The following ADGRA3 variants were observed in gnomAD, a reference collection of about 807,000 sequenced individuals.
ADGRA3 encodes the protein adhesion G protein-coupled receptor A3.
A neutral mutation model predicts 119.8 loss-of-function variants in ADGRA3; 56 were observed. That is an observed-to-expected ratio of 0.47 (90% confidence interval 0.38 to 0.58). ADGRA3 has a LOEUF of 0.58. Ranked by LOEUF, ADGRA3 falls within the 20% of genes least tolerant of loss-of-function variation. The pLI, the probability that ADGRA3 is intolerant of heterozygous loss-of-function variation, is 0.00. For missense variants in ADGRA3, 1,516 were observed against 1,649.0 expected, an observed-to-expected ratio of 0.92 and a Z score of 1.40; for synonymous variants, 607 against 623.8, an observed-to-expected ratio of 0.97 and a Z score of 0.40.
In ADGRA3 at chr4:22,515,887, G is replaced by T. The variant is rs1205084392; in HGVS notation, c.-103C>A. 2.4e-5 allele frequency: 19 copies of T among 779,294 alleles called. No homozygotes were observed. Among genetic ancestry groups the T allele is most frequent in the Non-Finnish European group, 3.0e-5 (19 of 643,324 alleles). The allele number at this position is 779,294 out of a possible 1,614,324, so 48.3% of individuals were successfully genotyped here. On this transcript the variant is annotated 5_prime_UTR_variant, in exon 1 of 19. Transcript: ENST00000334304. ...CGCGGCGCGGGCCCAGCGGCGACCG[G>T]AGCCTTATGGCGGCCGGAGGACGGG...
intron 14 of ADGRA3, 96 bp from the exon 15 acceptor site, chr4:22,402,895 A>G (rs1174745167): frequency 1.7e-6 from 2 of 1,181,640 alleles, no homozygotes; most frequent in Non-Finnish European, 2.4e-6. Flanking sequence ...AATAAACAAA[A>G]ACTCTGGCCC....
intron 1 of ADGRA3, among the ~76,000 whole-genome samples, chr4:22,479,599 G>A (rs925096392): frequency 3.3e-5 from 5 of 152,126 alleles, no homozygotes; most frequent in Admixed American, 2.6e-4. Context: ...GATTCCTCAA[G>A]GACCTAGAAC....
At chr4:22,413,877 T>C (rs1416819907) in intron 12 of ADGRA3, 63 bp from the exon 13 acceptor site, 2 of 1,072,364 alleles carry the variant, frequency 1.9e-6, no homozygotes, top group African/African-American at 1.6e-5. Context: ...CAGAAAAAAA[T>C]ATGTCAGATA....
chr4:22,442,577 A>G, intron 7 of ADGRA3, 73 bp downstream of exon 7: 1 of 1,026,280 alleles, frequency 9.7e-7, no homozygotes, highest in Non-Finnish European at 1.5e-6. Flanking sequence ...ATTCCACTAA[A>G]CATTACACCT....
intron 1 of ADGRA3, among the ~76,000 whole-genome samples, chr4:22,514,850 C>G (rs138755164): frequency 6.4e-4 from 97 of 152,244 alleles, no homozygotes; most frequent in African/African-American, 2.3e-3. Context: ...AAAAATCCCT[C>G]GAGTTGGAAG....
At chr4:22,416,348 A>G (rs1389759011) in intron 12 of ADGRA3, among the ~76,000 whole-genome samples, 1 of 152,226 alleles carries the variant, frequency 6.6e-6, no homozygotes, top group Non-Finnish European at 1.5e-5. Context: ...CTTTGGGAAA[A>G]ACAAGTTTTC....
At position 22,439,050 on chromosome 4, in the gene ADGRA3, G is replaced by A. The variant is rs1428488538; in HGVS notation, c.921-630C>T. 1.3e-5 allele frequency among the ~76,000 whole-genome samples: 2 copies of A among 152,114 alleles called. 1 individual carries two copies. Among genetic ancestry groups the A allele is most frequent in the Admixed American group, 1.3e-4 (2 of 15,252 alleles). ...TGGCAAGCCCAAAGGCAGAAACATCGTCGTACATTCTTTAGCAAAACTTAG... is the reference window on the plus strand; with the variant it reads ...TGGCAAGCCCAAAGGCAGAAACATCATCGTACATTCTTTAGCAAAACTTAG... On this transcript the variant is annotated intron_variant, in intron 7 of 18. Transcript: ENST00000334304.
chr4:22,485,711 C>G (rs1718413019), intron 1 of ADGRA3, among the ~76,000 whole-genome samples: 1 of 152,130 alleles, frequency 6.6e-6, no homozygotes. Flanking sequence ...GTTCAGAAAC[C>G]TCATATCCGT....
At chr4:22,490,273 C>A (rs554482591) in intron 1 of ADGRA3, among the ~76,000 whole-genome samples, 1 of 152,300 alleles carries the variant, frequency 6.6e-6, no homozygotes, top group South Asian at 2.1e-4. Context: ...AATAACACTT[C>A]ACCTTATCTT....
chr4:22,403,100 C>CA (rs1184151297), intron 14 of ADGRA3, among the ~76,000 whole-genome samples: 2 of 152,052 alleles, frequency 1.3e-5, no homozygotes, highest in African/African-American at 4.8e-5. Flanking sequence ...TTAGGCAATT[C>CA]AGAAAGCATA....
chr4:22,473,018 A>G (rs1438566394), intron 2 of ADGRA3: 1 of 152,194 alleles, frequency 6.6e-6, no homozygotes, highest in Non-Finnish European at 1.5e-5. Flanking sequence ...ACTAGACCTA[A>G]TTGCTAAGAA....
rs1717964296 is a variant in ADGRA3, at chr4:22,474,410, C to CAA, written c.258-568_258-567insTT. Among the ~76,000 whole-genome samples the CAA allele has an allele frequency of 4.6e-5, 7 of 152,248 alleles. No homozygotes were observed. The South Asian group carries it at 8.3e-4, about 18-fold the overall frequency. On this transcript the variant is annotated intron_variant, in intron 1 of 18. Transcript: ENST00000334304. Reference sequence around the variant, plus strand: ...CAGCTGAATCATAATATATCTCATGCTTTTGGGCAATGTTTATCAAAATTA... The same window carrying CAA: ...CAGCTGAATCATAATATATCTCATGCAATTTTGGGCAATGTTTATCAAAATTA...
rs1386299635 is a variant in ADGRA3, at chr4:22,446,003, G to T, written c.546-870C>A. On this transcript the variant is annotated intron_variant, in intron 5 of 18. Coordinates refer to ENST00000334304, the MANE Select transcript of ADGRA3 (RefSeq NM_145290.4). ...GACCCTGTTCATGCCAACATGGAGGGCATCATATAATAGAAGAATCAAAAT... is the reference window on the plus strand; with the variant it reads ...GACCCTGTTCATGCCAACATGGAGGTCATCATATAATAGAAGAATCAAAAT... Among the ~76,000 whole-genome samples, 6 of 152,306 alleles carry T rather than the reference G, an allele frequency of 3.9e-5. No homozygotes were observed. In the East Asian group the frequency reaches 7.7e-4, roughly 20 times the overall value.
At chr4:22,476,858 G>C (rs552560022) in intron 1 of ADGRA3, among the ~76,000 whole-genome samples, 126 of 151,890 alleles carry the variant, frequency 8.3e-4, no homozygotes, top group Non-Finnish European at 1.7e-3. Context: ...GTAGAGACAG[G>C]GTTTCACCAT....
intron 14 of ADGRA3, among the ~76,000 whole-genome samples, chr4:22,410,303 GT>G (rs1715141675): frequency 1.3e-5 from 2 of 152,030 alleles, no homozygotes; most frequent in Non-Finnish European, 2.9e-5. Context: ...TTCTTTCTTT[GT>G]TTTTTCCTAC....
At chr4:22,447,407 A>T (rs1224408981) in intron 5 of ADGRA3, 33 bp downstream of exon 5, 5 of 1,131,992 alleles carry the variant, frequency 4.4e-6, no homozygotes. Context: ...ATGAAAATCA[A>T]AAAAAAAAAG....
chr4:22,388,196 C>T lies in ADGRA3; in HGVS notation c.3475G>A (p.Glu1159Lys). The T allele has an allele frequency of 6.2e-7, 1 of 1,614,062 alleles. No individual in the cohort carries two copies. The highest frequency in any genetic ancestry group is 8.5e-7 in the Non-Finnish European group (1 of 1,180,006). Reference protein sequence around the residue: ...NDIKMHVAPLEVQFRTNVHSS... With the variant: ...NDIKMHVAPLKVQFRTNVHSS... ...TGCACATTTGTTCGAAACTGAACTT[C>T]TAAAGGCGCCACGTGCATTTTAATA... Residue 1159 changes from glutamate to lysine, a missense_variant, in exon 19 of 19, where the codon GAA becomes AAA. By Grantham distance (56) the Glu-to-Lys change is moderately conservative. This residue lies in a region of ADGRA3 where 1,088 missense variants were observed against 1,107.1 expected (regional missense o/e 0.98). Coordinates refer to ENST00000334304, the MANE Select transcript of ADGRA3 (RefSeq NM_145290.4).
Position 22,435,368 on chromosome 4 carries a change from AAATAT to A in ADGRA3, c.1381_1385del (p.Ile461CysfsTer6). 6.2e-7 allele frequency: 1 copy of A among 1,613,614 alleles called. No individual in the cohort carries two copies. The highest frequency in any genetic ancestry group is 1.7e-4 in the Middle Eastern group (1 of 6,056). ...CAAATTTTTCAATCATTTCTGCCAC[AAATAT>A]AACATCCATTTTGTCAGAAAAGTTG... On this transcript the variant is annotated frameshift_variant, in exon 10 of 19. Coordinates refer to ENST00000334304, the MANE Select transcript of ADGRA3 (RefSeq NM_145290.4). LOFTEE classifies it high-confidence loss of function.
intron 4 of ADGRA3, among the ~76,000 whole-genome samples, chr4:22,451,775 G>C (rs1455996041): frequency 6.6e-6 from 1 of 152,016 alleles, no homozygotes; most frequent in Non-Finnish European, 1.5e-5. Context: ...GGCTAGAACA[G>C]TGATCCACTC....
Sources: allele counts gnomAD v4.1 joint callset (sites outside exome capture counted in the v4.1 genomes callset), GRCh38; gene constraint gnomAD v4.1.1; regional missense constraint gnomAD v4.1.1; transcripts MANE v1.5; gene names NCBI Gene and HGNC (gene_info 2026-07-23, HGNC 2026-07-21).